FAM78A: variants seen among roughly 807,000 people sequenced by gnomAD.
FAM78A encodes family with sequence similarity 78 member A, also known as protein FAM78A.
Under a neutral mutation model 22.6 loss-of-function variants are expected in FAM78A, and 12 were observed. The observed-to-expected ratio is 0.53, with a 90% CI of 0.34 to 0.86. FAM78A has a LOEUF of 0.86. Among genes scored for constraint, FAM78A ranks in the 40% least tolerant of loss-of-function variants. The probability of loss-of-function intolerance (pLI) is 0.02; values close to 1 mark genes in which losing one functional copy is unlikely to be tolerated. For synonymous variants in FAM78A, 151 were observed against 155.8 expected (o/e 0.97, Z 0.23); for missense variants, 322 against 396.1 (o/e 0.81, Z 1.59).
Position 131,276,072 on chromosome 9 carries a change from T to C in FAM78A, c.108A>G (p.Glu36=). 1 of 1,613,846 alleles carries C rather than the reference T, an allele frequency of 6.2e-7. No homozygotes were observed. The highest frequency in any genetic ancestry group is 8.5e-7 in the Non-Finnish European group (1 of 1,180,028). The part of the protein sequence containing the change: ...SIGGKARVFR[E]GITVIDVKAS... ...CTTTCACATCAATCACCGTGATCCC[T>C]TCCCGGAAGACTCTGGCTTTGCCTC... Residue 36 remains glutamate (E), a synonymous_variant, in exon 1 of 2, where the codon GAA becomes GAG. Transcript: ENST00000372271. This position sits in a 1 kb window ranked among gnomAD's most constrained non-coding sequence, Gnocchi z 4.3.
At chr9:131,273,078 C>T (rs1463297865) in intron 1 of FAM78A, among the ~76,000 whole-genome samples, 1 of 152,188 alleles carries the variant, frequency 6.6e-6, no homozygotes, top group Non-Finnish European at 1.5e-5. Context: ...AGGTTGAATC[C>T]GGGACTCTGT....
intron 1 of FAM78A, chr9:131,264,602 G>T (rs1358155437): frequency 8.4e-6 from 6 of 717,212 alleles, no homozygotes; most frequent in Non-Finnish European, 5.2e-6. Flanking sequence ...GCAGCCAACA[G>T]CAGTCAGTGG....
upstream of FAM78A, among the ~76,000 whole-genome samples, chr9:131,279,575 A>C (rs1029250956): frequency 5.3e-5 from 8 of 152,366 alleles, no homozygotes; most frequent in South Asian, 1.0e-3. Flanking sequence ...CCAGAGCTGC[A>C]CGTCCCTCTC....
chr9:131,261,145 C>A lies in FAM78A; in HGVS notation c.529G>T (p.Val177Leu). ...CGGTAGATATTGGTGAGCTTGGCCACGTTGCTCTCGCTGACGGGCACGGCC... is the reference window on the plus strand; with the variant it reads ...CGGTAGATATTGGTGAGCTTGGCCAAGTTGCTCTCGCTGACGGGCACGGCC... Reference protein sequence around the residue: ...TWAVPVSESNVAKLTNIYRDQ... With the variant: ...TWAVPVSESNLAKLTNIYRDQ... Residue 177 changes from valine to leucine, a missense_variant, in exon 2 of 2, where the codon GTG (valine) becomes TTG (leucine). Transcript: ENST00000372271. The surrounding 1 kb of genome is among the most constrained non-coding windows in gnomAD (Gnocchi z 7.1). 1 of 1,614,078 alleles carries A rather than the reference C, an allele frequency of 6.2e-7. No individual in the cohort carries two copies. The highest frequency in any genetic ancestry group is 8.5e-7 in the Non-Finnish European group (1 of 1,179,984).
chr9:131,260,463 C>T lies in FAM78A; in HGVS notation c.*359G>A, dbSNP rs146251913. On this transcript the variant is annotated 3_prime_UTR_variant, in exon 2 of 2. Transcript: ENST00000372271. The surrounding 1 kb of genome is among the most constrained non-coding windows in gnomAD (Gnocchi z 5.4). ...GAGCTTCCCTCCTAATCAGCTCCCCCTCCTCCTGCCCCTGAGCCCCCAAAA... is the reference window on the plus strand; with the variant it reads ...GAGCTTCCCTCCTAATCAGCTCCCCTTCCTCCTGCCCCTGAGCCCCCAAAA... The T allele has an allele frequency of 2.0e-4, 37 of 182,630 alleles. No individual in the cohort carries two copies. The highest frequency in any genetic ancestry group is 8.4e-4 in the African/African-American group (36 of 42,732). 11.3% of individuals were successfully genotyped at this position (182,630 alleles called of 1,614,324 possible). A position where few individuals can be genotyped will look rare whatever the true frequency, so the allele number is the denominator to read the frequency against.
upstream of FAM78A, among the ~76,000 whole-genome samples, chr9:131,277,977 C>A (rs1335867228): frequency 2.1e-5 from 3 of 146,262 alleles, no homozygotes; most frequent in African/African-American, 7.4e-5. The surrounding 1 kb of genome is among the most constrained non-coding windows in gnomAD (Gnocchi z 8.4). Flanking sequence ...CGCCGCCGGC[C>A]GAGCGCAGCC....
upstream of FAM78A, among the ~76,000 whole-genome samples, chr9:131,279,522 T>C (rs1835521750): frequency 2.6e-5 from 4 of 152,176 alleles, no homozygotes; most frequent in African/African-American, 9.7e-5. Context: ...AGGAATGCTA[T>C]CCTGGAAATG....
chr9:131,280,205 C>T (rs190364266), upstream of FAM78A, among the ~76,000 whole-genome samples: 1 of 152,286 alleles, frequency 6.6e-6, no homozygotes, highest in East Asian at 1.9e-4. Context: ...GGGCTCGGCT[C>T]CTGCATGCAC....
rs962283498 is a variant in FAM78A at position 131,272,856 on chromosome 9, G to C, written c.323+3001C>G. ...TGGAGCCGGAGAATCACTTGAACCC[G>C]GGAGGCAGAGGTTGTAGTGAGCCAA... On this transcript the variant is annotated intron_variant, in intron 1 of 1. Coordinates refer to ENST00000372271, the MANE Select transcript of FAM78A (RefSeq NM_033387.4). The surrounding 1 kb of genome is among the most constrained non-coding windows in gnomAD (Gnocchi z 4.1). Among the ~76,000 whole-genome samples, 7 of 152,200 alleles carry C rather than the reference G, an allele frequency of 4.6e-5. 1 individual carries two copies. In the East Asian group the frequency reaches 9.6e-4, roughly 21 times the overall value.
At chr9:131,278,814 G>A (rs1335155439), upstream of FAM78A, among the ~76,000 whole-genome samples, 2 of 152,204 alleles carry the variant, frequency 1.3e-5, no homozygotes, top group East Asian at 3.9e-4. Flanking sequence ...CACGCTCTTC[G>A]TCCCCACCCC....
chr9:131,280,592 G>T (rs1028287920), upstream of FAM78A, among the ~76,000 whole-genome samples: 4 of 152,192 alleles, frequency 2.6e-5, no homozygotes, highest in Non-Finnish European at 5.9e-5. Flanking sequence ...CCGGGATGGT[G>T]AACACTGGGA....
chr9:131,264,726 C>CTTTT, intron 1 of FAM78A: 5 of 562,216 alleles, frequency 8.9e-6, no homozygotes, highest in Admixed American at 6.2e-5. Flanking sequence ...CTTTTCTGAC[C>CTTTT]TTTTTTTTTT....
chr9:131,270,965 G>A (rs1258047204), intron 1 of FAM78A, among the ~76,000 whole-genome samples: 1 of 151,622 alleles, frequency 6.6e-6, no homozygotes, highest in Non-Finnish European at 1.5e-5. Flanking sequence ...GGCACCCAGC[G>A]GTCCCTCCAC....
Position 131,275,809 on chromosome 9 carries a change from C to T in FAM78A, c.323+48G>A, listed in dbSNP as rs1285664866. 4 of 1,523,472 alleles carry T rather than the reference C, an allele frequency of 2.6e-6. No individual in the cohort carries two copies. Among genetic ancestry groups the T allele is most frequent in the Admixed American group, 4.1e-5 (2 of 48,374 alleles). The allele number at this position is 1,523,472 out of a possible 1,614,324, so 94.4% of individuals were successfully genotyped here. A position where few individuals can be genotyped will look rare whatever the true frequency, so the allele number is the denominator to read the frequency against. On this transcript the variant is annotated intron_variant, in intron 1 of 1. Transcript: ENST00000372271. The surrounding 1 kb of genome is among the most constrained non-coding windows in gnomAD (Gnocchi z 4.6). ...CGCGGCCCCCCACCAGGCCTCCAAG[C>T]TCGGCCATCCCTAGCAGTTCCCAGA...
chr9:131,260,821 G>A lies in FAM78A; in HGVS notation c.*1C>T. The A allele has an allele frequency of 6.6e-7, 1 of 1,516,260 alleles. No homozygotes were observed. The highest frequency in any genetic ancestry group is 8.8e-7 in the Non-Finnish European group (1 of 1,133,208). The allele number at this position is 1,516,260 out of a possible 1,614,324, so 93.9% of individuals were successfully genotyped here. A position where few individuals can be genotyped will look rare whatever the true frequency, so the allele number is the denominator to read the frequency against. Reference sequence around the variant, plus strand: ...TCTAACCTAGCGGGTGGTCCTGGCTGTCACCGGTGCTTGGGCGGGATCACC... The same window carrying A: ...TCTAACCTAGCGGGTGGTCCTGGCTATCACCGGTGCTTGGGCGGGATCACC... On this transcript the variant is annotated 3_prime_UTR_variant, in exon 2 of 2. Coordinates refer to ENST00000372271, the MANE Select transcript of FAM78A (RefSeq NM_033387.4). The surrounding 1 kb of genome is among the most constrained non-coding windows in gnomAD (Gnocchi z 5.4).
In FAM78A at chr9:131,276,133, G is replaced by A. The variant is rs1588201629; in HGVS notation, c.47C>T (p.Ala16Val). The A allele has an allele frequency of 1.2e-6, 2 of 1,613,528 alleles. No homozygotes were observed. Among genetic ancestry groups the A allele is most frequent in the African/African-American group, 1.3e-5 (1 of 75,018 alleles). Reference protein sequence around the residue: ...CDCWPSLEIRALLYAMGCIQS... With the variant: ...CDCWPSLEIRVLLYAMGCIQS... ...AATACAGCCCATGGCATACAGGAGCGCTCTGATCTCCAGGGAAGGCCAGCA... is the reference window on the plus strand; with the variant it reads ...AATACAGCCCATGGCATACAGGAGCACTCTGATCTCCAGGGAAGGCCAGCA... Residue 16 changes from alanine (A) to valine (V), a missense_variant, in exon 1 of 2, where the codon GCG becomes GTG. Coordinates refer to ENST00000372271, the MANE Select transcript of FAM78A (RefSeq NM_033387.4). The surrounding 1 kb of genome is among the most constrained non-coding windows in gnomAD (Gnocchi z 4.3).
Position 131,273,525 on chromosome 9 carries a change from G to T in FAM78A, c.323+2332C>A, listed in dbSNP as rs146147361. 4.8e-3 allele frequency among the ~76,000 whole-genome samples: 738 copies of T among 152,322 alleles called. 15 individuals are homozygous for T. Among genetic ancestry groups the T allele is most frequent in the African/African-American group, 0.016 (684 of 41,586 alleles). On this transcript the variant is annotated intron_variant, in intron 1 of 1. Transcript: ENST00000372271. ...GGGCAGAGAGAGAACAAGGAAAATGGCCTGGAGCCACTTTAAAACGCAAGT... is the reference window on the plus strand; with the variant it reads ...GGGCAGAGAGAGAACAAGGAAAATGTCCTGGAGCCACTTTAAAACGCAAGT...
At position 131,260,919 on chromosome 9, in the gene FAM78A, C is replaced by G; in HGVS notation, c.755G>C (p.Ser252Thr). Reference protein sequence around the residue: ...ILSKNEPIPPSALVKPNANDA... With the variant: ...ILSKNEPIPPTALVKPNANDA... ...GTTGGCATTGGGCTTGACCAGGGCG[C>G]TGGGCGGGATGGGCTCATTCTTGCT... is the stretch of plus-strand genomic sequence containing the variant. The change falls in exon 2 of 2, where the codon AGC becomes ACC. Residue 252 changes from serine to threonine, a missense_variant. Transcript: ENST00000372271. This position sits in a 1 kb window ranked among gnomAD's most constrained non-coding sequence, Gnocchi z 5.4. 1 of 1,594,028 alleles carries G rather than the reference C, an allele frequency of 6.3e-7. No homozygotes were observed.
At chr9:131,278,174 G>A (rs928906666), upstream of FAM78A, among the ~76,000 whole-genome samples, 1 of 151,778 alleles carries the variant, frequency 6.6e-6, no homozygotes, top group East Asian at 1.9e-4. Context: ...TGTCTCTGCA[G>A]CTGCTCGGGG....
Sources: gnomAD v4.1 joint callset for allele counts (sites outside exome capture counted in the v4.1 genomes callset) on GRCh38, gnomAD v4.1.1 for gene constraint, Gnocchi (gnomAD v3.1) non-coding constraint, MANE v1.5 for transcripts, NCBI Gene and HGNC (gene_info 2026-07-23, HGNC 2026-07-21) for gene names.